Variants in EPB41L3 observed in about 807,000 individuals in gnomAD.
EPB41L3 encodes the protein band 4.1-like protein 3.
A neutral mutation model predicts 127.1 loss-of-function variants in EPB41L3; 57 were observed. That is an observed-to-expected ratio of 0.45 (90% CI 0.36 to 0.56). The LOEUF (loss-of-function observed/expected upper bound fraction) is 0.56, where lower values mean the gene tolerates loss of function less well. Among genes scored for constraint, EPB41L3 ranks in the 20% least tolerant of loss-of-function variants. EPB41L3 has a pLI of 0.00. For missense variants in EPB41L3, 1,273 were observed against 1,372.2 expected (o/e 0.93, Z 1.14); for synonymous variants, 572 against 549.5 (o/e 1.04, Z -0.57).
At chr18:5,536,904 GT>G (rs2093591290) in intron 1 of EPB41L3, among the ~76,000 whole-genome samples, 1 of 152,138 alleles carries the variant, frequency 6.6e-6, no homozygotes, top group Non-Finnish European at 1.5e-5. Flanking sequence ...GTCTATTCAT[GT>G]AAAATATTAT....
At chr18:5,430,556 TC>T (rs2078855876) in intron 8 of EPB41L3, among the ~76,000 whole-genome samples, 1 of 142,314 alleles carries the variant, frequency 7.0e-6, no homozygotes, top group South Asian at 2.2e-4. Context: ...GTTTGAGAAA[TC>T]TTTTTTTTTT....
chr18:5,575,592 T>G (rs978756192), intron 3 of EPB41L3, among the ~76,000 whole-genome samples: 7 of 152,096 alleles, frequency 4.6e-5, no homozygotes, highest in Non-Finnish European at 1.0e-4. Flanking sequence ...ATCCCAGCAC[T>G]TTGGGAGGCC....
chr18:5,473,399 T>C (rs1397670734), intron 3 of EPB41L3, among the ~76,000 whole-genome samples: 1 of 151,930 alleles, frequency 6.6e-6, no homozygotes, highest in Admixed American at 6.6e-5. Context: ...CAAACCAAAC[T>C]GCACCACACA....
At chr18:5,604,939 A>G (rs1395116025) in intron 3 of EPB41L3, among the ~76,000 whole-genome samples, 1 of 152,208 alleles carries the variant, frequency 6.6e-6, no homozygotes, top group Non-Finnish European at 1.5e-5. Flanking sequence ...TAAAGGATTT[A>G]TAATCCTCTA....
At chr18:5,418,794 C>T (rs1339382156) in intron 12 of EPB41L3, among the ~76,000 whole-genome samples, 1 of 152,160 alleles carries the variant, frequency 6.6e-6, no homozygotes, top group Non-Finnish European at 1.5e-5. Flanking sequence ...GAACACTTTC[C>T]ATAGAATTCG....
chr18:5,475,136 A>G (rs550924194), intron 3 of EPB41L3, among the ~76,000 whole-genome samples: 10 of 152,294 alleles, frequency 6.6e-5, no homozygotes, highest in African/African-American at 2.4e-4. Flanking sequence ...CTCATATGAA[A>G]GCTTCCAGAT....
intron 3 of EPB41L3, among the ~76,000 whole-genome samples, chr18:5,560,943 ATTT>A (rs2094117092): frequency 0.064 from 31 of 484 alleles, no homozygotes; most frequent in South Asian, 0.19. Flanking sequence ...AGTTGTAATT[ATTT>A]ATTTATTTAT....
At chr18:5,422,830 A>C (rs1447507133) in intron 11 of EPB41L3, among the ~76,000 whole-genome samples, 1 of 152,264 alleles carries the variant, frequency 6.6e-6, no homozygotes, top group East Asian at 1.9e-4. Context: ...CTGTTCTCCC[A>C]GTCCATCTGG....
At chr18:5,516,509 T>C (rs561256228) in intron 1 of EPB41L3, among the ~76,000 whole-genome samples, 110 of 152,322 alleles carry the variant, frequency 7.2e-4, no homozygotes, top group African/African-American at 2.5e-3. Context: ...AAAACCATCT[T>C]TAATGGACAG....
At chr18:5,425,195 T>C (rs2078004576) in intron 9 of EPB41L3, among the ~76,000 whole-genome samples, 1 of 152,184 alleles carries the variant, frequency 6.6e-6, no homozygotes, top group Non-Finnish European at 1.5e-5. Context: ...AAAAATCATT[T>C]ATATGGCAAA....
intron 12 of EPB41L3, among the ~76,000 whole-genome samples, chr18:5,416,648 G>A (rs1443244703): frequency 6.6e-6 from 1 of 152,054 alleles, no homozygotes; most frequent in Non-Finnish European, 1.5e-5. Flanking sequence ...CAATCCCAAA[G>A]TCTACACATT....
At chr18:5,529,708 G>A (rs1305984924) in intron 1 of EPB41L3, among the ~76,000 whole-genome samples, 2 of 152,050 alleles carry the variant, frequency 1.3e-5, no homozygotes, top group Non-Finnish European at 2.9e-5. Context: ...CTTCTCCCTT[G>A]CAGATTCTCT....
In EPB41L3 at chr18:5,543,802, C is replaced by G; in HGVS notation, c.-12+111G>C. On this transcript the variant is annotated intron_variant, in intron 1 of 22. Transcript: ENST00000341928. The surrounding 1 kb of genome is among the most constrained non-coding windows in gnomAD (Gnocchi z 5.2). Reference sequence around the variant, plus strand: ...GAGACCGCGCGGCGCCGAAGCCACGCGTCAGCCCCACTGTCCCGCGCGCCT... The same window carrying G: ...GAGACCGCGCGGCGCCGAAGCCACGGGTCAGCCCCACTGTCCCGCGCGCCT... 3 of 855,468 alleles carry G rather than the reference C, an allele frequency of 3.5e-6. No homozygotes were observed. Among genetic ancestry groups the G allele is most frequent in the Non-Finnish European group, 4.2e-6 (3 of 711,866 alleles). 53.0% of individuals were successfully genotyped at this position (855,468 alleles called of 1,614,324 possible).
intron 12 of EPB41L3, among the ~76,000 whole-genome samples, chr18:5,418,612 C>T (rs1282945682): frequency 6.6e-6 from 1 of 152,100 alleles, no homozygotes. Context: ...CAAAAGTTAT[C>T]GAAATATCCC....
intron 16 of EPB41L3, chr18:5,398,836 C>T (rs576923719): frequency 2.5e-4 from 100 of 399,182 alleles, no homozygotes; most frequent in South Asian, 5.1e-4. Flanking sequence ...CCAGGGAGGA[C>T]GGCCACATCC....
intron 3 of EPB41L3, among the ~76,000 whole-genome samples, chr18:5,574,780 C>T (rs973127420): frequency 3.3e-5 from 5 of 152,154 alleles, no homozygotes; most frequent in Admixed American, 6.5e-5. Flanking sequence ...GGGAGAGGAC[C>T]TTGGCAGCTT....
At chr18:5,563,104 G>A (rs965318995) in intron 3 of EPB41L3, among the ~76,000 whole-genome samples, 9 of 152,220 alleles carry the variant, frequency 5.9e-5, no homozygotes, top group Non-Finnish European at 1.2e-4. Context: ...AGGATGAGGG[G>A]AAGGGATTCC....
At chr18:5,429,857 C>T (rs2078734887) in intron 8 of EPB41L3, among the ~76,000 whole-genome samples, 1 of 152,152 alleles carries the variant, frequency 6.6e-6, no homozygotes, top group Non-Finnish European at 1.5e-5. Context: ...GATGCTGACA[C>T]ACAGCTGGCA....
chr18:5,605,742 A>G (rs2094643698), intron 3 of EPB41L3, among the ~76,000 whole-genome samples: 1 of 152,122 alleles, frequency 6.6e-6, no homozygotes, highest in African/African-American at 2.4e-5. Context: ...GATTTTAGAA[A>G]ACAATGAAGG....
Sources: allele counts gnomAD v4.1 joint callset (sites outside exome capture counted in the v4.1 genomes callset), GRCh38; gene constraint gnomAD v4.1.1; non-coding constraint Gnocchi (gnomAD v3.1); transcripts MANE v1.5; gene names NCBI Gene and HGNC (gene_info 2026-07-23, HGNC 2026-07-21).